The following AKAP6 variants were observed in gnomAD, a reference collection of about 807,000 sequenced individuals.
AKAP6 encodes A-kinase anchoring protein 6, also known as A-kinase anchor protein 6.
A neutral mutation model predicts 188.5 loss-of-function variants in AKAP6; 58 were observed. The ratio of observed to expected loss-of-function variants is 0.31; its 90% CI spans 0.25 to 0.38. The LOEUF (loss-of-function observed/expected upper bound fraction) is 0.38. Ranked by LOEUF, AKAP6 falls within the 10% of genes least tolerant of loss-of-function variation. The probability of loss-of-function intolerance (pLI) is 1.00; values close to 1 mark genes in which losing one functional copy is unlikely to be tolerated. For synonymous variants in AKAP6, 989 were observed against 998.6 expected (o/e 0.99, Z 0.18); for missense variants, 2,710 against 2,740.0 (o/e 0.99, Z 0.24).
intron 13 of AKAP6, among the ~76,000 whole-genome samples, chr14:32,827,978 G>A (rs1274421521): frequency 6.6e-6 from 1 of 152,096 alleles, no homozygotes; most frequent in Non-Finnish European, 1.5e-5. Flanking sequence ...ATGTGTATGA[G>A]TGTGGTGTTT....
chr14:32,558,669 G>C (rs1424875937), intron 4 of AKAP6, among the ~76,000 whole-genome samples: 3 of 152,188 alleles, frequency 2.0e-5, no homozygotes, highest in Non-Finnish European at 4.4e-5. Context: ...AATACAATAA[G>C]ATAGAAGTCT....
intron 5 of AKAP6, among the ~76,000 whole-genome samples, chr14:32,585,826 A>T (rs370634711): frequency 6.6e-6 from 1 of 152,072 alleles, no homozygotes; most frequent in African/African-American, 2.4e-5. Context: ...AGGATGGGAG[A>T]TGGGAGGAAA....
At chr14:32,520,313 A>C (rs1461354307) in intron 2 of AKAP6, among the ~76,000 whole-genome samples, 2 of 152,202 alleles carry the variant, frequency 1.3e-5, no homozygotes, top group Non-Finnish European at 2.9e-5. Context: ...AAACACATTC[A>C]AAAGCTAGCA....
chr14:32,511,716 C>A (rs1028345476), intron 2 of AKAP6, among the ~76,000 whole-genome samples: 1 of 152,040 alleles, frequency 6.6e-6, no homozygotes, highest in East Asian at 1.9e-4. Flanking sequence ...TCTTTTTGTT[C>A]GGCCGTCTAC....
In AKAP6 at chr14:32,330,713, ATTTTTTTTTTT is replaced by A. The variant is rs35147196; in HGVS notation, c.-35+1325_-35+1335del. ...CAATACCTTTAGCTAGCTTGGAGTG[ATTTTTTTTTTT>A]TTTTTTTTTTTTTTTTTTTGCACAG... is the stretch of plus-strand genomic sequence containing the variant. On this transcript the variant is annotated intron_variant, in intron 1 of 13. Transcript: ENST00000280979. Among the ~76,000 whole-genome samples, 123 of 62,410 alleles carry A rather than the reference ATTTTTTTTTTT, an allele frequency of 2.0e-3. 3 individuals carry two copies. In the East Asian group the frequency reaches 0.026, roughly 13 times the overall value. 40.9% of individuals were successfully genotyped at this position (62,410 alleles called of 152,430 possible).
chr14:32,819,992 G>C (rs1368213049), intron 12 of AKAP6, among the ~76,000 whole-genome samples: 1 of 151,970 alleles, frequency 6.6e-6, no homozygotes, highest in Non-Finnish European at 1.5e-5. Context: ...ACCTAATACT[G>C]TCTGCCTTCT....
intron 7 of AKAP6, among the ~76,000 whole-genome samples, chr14:32,634,779 A>G (rs1887416473): frequency 6.6e-6 from 1 of 152,088 alleles, no homozygotes; most frequent in South Asian, 2.1e-4. Flanking sequence ...CTTTTCCTAA[A>G]TAGACCTAAA....
chr14:32,708,105 A>T (rs1439888103), intron 9 of AKAP6, among the ~76,000 whole-genome samples: 2 of 152,108 alleles, frequency 1.3e-5, no homozygotes, highest in African/African-American at 2.4e-5. Context: ...TATACATGTG[A>T]AGGTAACATG....
intron 2 of AKAP6, among the ~76,000 whole-genome samples, chr14:32,496,200 A>G (rs543672882): frequency 6.6e-6 from 1 of 152,220 alleles, no homozygotes; most frequent in Non-Finnish European, 1.5e-5. Flanking sequence ...GACTTAACAC[A>G]TACTTGGAAA....
At chr14:32,441,134 T>C (rs1445537236) in intron 2 of AKAP6, among the ~76,000 whole-genome samples, 4 of 152,150 alleles carry the variant, frequency 2.6e-5, no homozygotes, top group African/African-American at 7.2e-5. Flanking sequence ...AAATTTCTAG[T>C]GTTTATAAAT....
At chr14:32,516,547 T>G (rs1881529975) in intron 2 of AKAP6, among the ~76,000 whole-genome samples, 1 of 152,196 alleles carries the variant, frequency 6.6e-6, no homozygotes, top group African/African-American at 2.4e-5. Flanking sequence ...CCAGTACTAG[T>G]AGTAGTATTA....
intron 1 of AKAP6, among the ~76,000 whole-genome samples, chr14:32,429,695 A>C (rs998415027): frequency 1.3e-5 from 2 of 152,236 alleles, no homozygotes; most frequent in African/African-American, 2.4e-5. Context: ...AGTTGAAATG[A>C]AACTTGAGTA....
chr14:32,510,388 ATATGTG>A (rs879749435), intron 2 of AKAP6, among the ~76,000 whole-genome samples: 8,683 of 81,694 alleles, frequency 0.11, 561 homozygotes, highest in Non-Finnish European at 0.14. Flanking sequence ...GTGTATATAT[ATATGTG>A]TATATATATG....
intron 2 of AKAP6, among the ~76,000 whole-genome samples, chr14:32,534,171 T>A (rs972431452): frequency 6.6e-6 from 1 of 152,224 alleles, no homozygotes; most frequent in Admixed American, 6.5e-5. Context: ...CTGAATTACA[T>A]GAAATCAGAA....
At chr14:32,649,777 A>G (rs1258334311) in intron 7 of AKAP6, among the ~76,000 whole-genome samples, 1 of 152,184 alleles carries the variant, frequency 6.6e-6, no homozygotes, top group African/African-American at 2.4e-5. Flanking sequence ...CCTCCATTTC[A>G]TCAGAATAAT....
chr14:32,343,907 C>T (rs1438526689), intron 1 of AKAP6, among the ~76,000 whole-genome samples: 1 of 152,008 alleles, frequency 6.6e-6, no homozygotes, highest in Admixed American at 6.6e-5. Context: ...TCTCTGTGGT[C>T]ATAACGTTCT....
At chr14:32,780,311 A>ACATGATCT (rs2033208372) in intron 12 of AKAP6, among the ~76,000 whole-genome samples, 1 of 152,034 alleles carries the variant, frequency 6.6e-6, no homozygotes, top group Non-Finnish European at 1.5e-5. Flanking sequence ...GAAAAATATT[A>ACATGATCT]CATGATCTCA....
intron 2 of AKAP6, among the ~76,000 whole-genome samples, chr14:32,534,531 G>A (rs993927157): frequency 6.6e-6 from 1 of 152,168 alleles, no homozygotes; most frequent in Non-Finnish European, 1.5e-5. Flanking sequence ...CTGAGACTGA[G>A]TTAGTAATGT....
Position 32,829,947 on chromosome 14 carries a change from C to T in AKAP6, c.*142C>T. The T allele has an allele frequency of 1.4e-6, 1 of 702,730 alleles. No individual in the cohort carries two copies. The highest frequency in any genetic ancestry group is 1.7e-5 in the African/African-American group (1 of 57,368). 43.5% of individuals were successfully genotyped at this position (702,730 alleles called of 1,614,324 possible). A position where few individuals can be genotyped will look rare whatever the true frequency, so the allele number is the denominator to read the frequency against. ...ACTGCCGTTTATTACATTGACTTCT[C>T]CCAAGATGAATCTTCCTTCCAAATG... On this transcript the variant is annotated 3_prime_UTR_variant, in exon 14 of 14. Coordinates refer to ENST00000280979, the MANE Select transcript of AKAP6 (RefSeq NM_004274.5).
Sources: gnomAD v4.1 joint callset for allele counts (sites outside exome capture counted in the v4.1 genomes callset) on GRCh38, gnomAD v4.1.1 for gene constraint, MANE v1.5 for transcripts, NCBI Gene and HGNC (gene_info 2026-07-23, HGNC 2026-07-21) for gene names.